Variants in DAP3 observed in about 807,000 individuals in gnomAD.
DAP3 encodes death associated protein 3, also known as small ribosomal subunit protein mS29.
In DAP3, 28 loss-of-function variants were observed where a neutral mutation model predicts 51.9. The observed-to-expected ratio is 0.54, with a 90% CI of 0.40 to 0.74. The LOEUF is 0.74. Ranked by LOEUF, DAP3 falls within the 30% of genes least tolerant of loss-of-function variation. The pLI is 0.00. For synonymous variants in DAP3, 170 were observed against 170.3 expected, an observed-to-expected ratio of 1.00 and a Z score of 0.01; for missense variants, 458 against 483.5, an observed-to-expected ratio of 0.95 and a Z score of 0.49.
At chr1:155,711,119 A>C (rs1173759263) in intron 2 of DAP3, among the ~76,000 whole-genome samples, 1 of 152,052 alleles carries the variant, frequency 6.6e-6, no homozygotes, top group Non-Finnish European at 1.5e-5. Context: ...ATAACCCATT[A>C]TTATAAAATG....
chr1:155,691,364 T>C (rs1455553454), intron 1 of DAP3, among the ~76,000 whole-genome samples: 1 of 142,284 alleles, frequency 7.0e-6, no homozygotes, highest in Non-Finnish European at 1.5e-5. Context: ...GAAATCATAC[T>C]ATATGCAACT....
intron 1 of DAP3, among the ~76,000 whole-genome samples, chr1:155,708,505 A>G (rs1656269536): frequency 7.3e-6 from 1 of 137,628 alleles, no homozygotes; most frequent in South Asian, 2.3e-4. Flanking sequence ...AACATTTGCT[A>G]TTGTCTGACT....
chr1:155,694,875 A>G (rs1654314195), intron 1 of DAP3, among the ~76,000 whole-genome samples: 1 of 152,190 alleles, frequency 6.6e-6, no homozygotes, highest in Non-Finnish European at 1.5e-5. Context: ...TTCAGCTGCT[A>G]TAGTAACCTG....
chr1:155,692,937 A>C (rs922465349), intron 1 of DAP3, among the ~76,000 whole-genome samples: 3 of 142,034 alleles, frequency 2.1e-5, no homozygotes. Context: ...CATATTCTGC[A>C]GTTTGAACAG....
chr1:155,695,964 A>C (rs1432456611), intron 1 of DAP3, among the ~76,000 whole-genome samples: 1 of 152,260 alleles, frequency 6.6e-6, no homozygotes, highest in Non-Finnish European at 1.5e-5. Context: ...TTATCAATAC[A>C]TTCAATAAAT....
At chr1:155,688,261 G>C (rs781259969), upstream of DAP3, 1 of 1,603,276 alleles carries the variant, frequency 6.2e-7, no homozygotes, top group South Asian at 1.1e-5. Context: ...CAAACTGAGA[G>C]GAGGCGGATC....
intron 3 of DAP3, among the ~76,000 whole-genome samples, chr1:155,718,001 A>T (rs1278242657): frequency 6.6e-6 from 1 of 152,142 alleles, no homozygotes; most frequent in African/African-American, 2.4e-5. Flanking sequence ...CTACCCTCTG[A>T]GTCTTCCCAT....
chr1:155,733,242 C>T (rs1278768573), intron 11 of DAP3, among the ~76,000 whole-genome samples: 2 of 152,182 alleles, frequency 1.3e-5, no homozygotes, highest in Non-Finnish European at 2.9e-5. Flanking sequence ...ACATTTCTCC[C>T]ATTACTGGTA....
Position 155,727,735 on chromosome 1 carries a change from C to T in DAP3, c.600C>T (p.Asn200=), listed in dbSNP as rs148371927. 2.2e-3 allele frequency: 3,473 copies of T among 1,613,244 alleles called. 19 individuals are homozygous for T. Among genetic ancestry groups the T allele is most frequent in the Middle Eastern group, 1.7e-3 (10 of 6,060 alleles). ...AAACTACAAATGAGCGCTTCCTGAA[C>T]CAGGTGACTAGACTCCCAGAAGTTG... ...NFKTTNERFL[N]QIKVQEKYVW... is the part of the protein sequence containing the mutation. Residue 200 remains asparagine, a synonymous_variant, in exon 7 of 13, where the codon AAC becomes AAT. Transcript: ENST00000368336.
chr1:155,725,465 T>C lies in DAP3; in HGVS notation c.354T>C (p.Ala118=), dbSNP rs141049384. Residue 118 remains alanine (A), a synonymous_variant, in exon 5 of 13, where the codon GCT becomes GCC. Transcript: ENST00000368336. ...ATTACCTGAAAAACACCAGTTTTGC[T>C]TATCCAGCTATACGATATCTTCTGT... ...LLHYLKNTSF[A]YPAIRYLLYG... is the part of the protein sequence containing the mutation. 2.2e-4 allele frequency: 350 copies of C among 1,614,062 alleles called. No homozygotes were observed. The highest frequency in any genetic ancestry group is 2.9e-4 in the Non-Finnish European group (344 of 1,180,032).
intron 7 of DAP3, among the ~76,000 whole-genome samples, chr1:155,728,019 A>G (rs348184): frequency 0.063 from 9,642 of 151,868 alleles, 1,052 homozygotes; most frequent in African/African-American, 0.22. Flanking sequence ...CCTCGCAAGC[A>G]CATTTCCAAC....
chr1:155,691,296 G>A lies in DAP3; in HGVS notation c.-8+2122G>A, dbSNP rs756974065. ...CCATTCCTCCCTCCCATTGCCTCTCGCAACCACTAAATCAGTTTATGTAAT... is the reference window on the plus strand; with the variant it reads ...CCATTCCTCCCTCCCATTGCCTCTCACAACCACTAAATCAGTTTATGTAAT... On this transcript the variant is annotated intron_variant, in intron 1 of 12. Coordinates refer to ENST00000368336, the MANE Select transcript of DAP3 (RefSeq NM_004632.4). Among the ~76,000 whole-genome samples, 8 of 141,658 alleles carry A rather than the reference G, an allele frequency of 5.6e-5. 1 individual carries two copies. Among genetic ancestry groups the A allele is most frequent in the Admixed American group, 1.3e-4 (2 of 15,088 alleles). 92.9% of individuals were successfully genotyped at this position (141,658 alleles called of 152,430 possible).
intron 4 of DAP3, 110 bp from the exon 5 acceptor site, chr1:155,725,272 A>G (rs1438160581): frequency 1.2e-6 from 1 of 829,824 alleles, no homozygotes; most frequent in African/African-American, 1.7e-5. Flanking sequence ...AGTAAATTAG[A>G]GGCATGCAAT....
chr1:155,713,866 A>G (rs567704134), intron 2 of DAP3, among the ~76,000 whole-genome samples: 1 of 152,344 alleles, frequency 6.6e-6, no homozygotes, highest in Non-Finnish European at 1.5e-5. Flanking sequence ...CTAACATCTA[A>G]TAGATACTCA....
upstream of DAP3, chr1:155,688,385 C>G (rs1326819716): frequency 2.6e-6 from 4 of 1,543,214 alleles, no homozygotes; most frequent in Non-Finnish European, 3.5e-6. Flanking sequence ...GCTAAGGGCG[C>G]CTAGCGACAC....
chr1:155,729,342 T>G lies in DAP3; in HGVS notation c.819T>G (p.Thr273=). 6.2e-7 allele frequency: 1 copy of G among 1,613,964 alleles called. No individual in the cohort carries two copies. Among genetic ancestry groups the G allele is most frequent in the Non-Finnish European group, 8.5e-7 (1 of 1,179,964 alleles). The change falls in exon 9 of 13, where the codon ACT becomes ACG. Residue 273 remains threonine, a synonymous_variant. Coordinates refer to ENST00000368336, the MANE Select transcript of DAP3 (RefSeq NM_004632.4). ...TCAATGCTCTTTGGGGAAGAACCAC[T>G]CTGAAAAGAGAAGATAAAAGCCCGG... ...DGINALWGRT[T]LKREDKSPIA... is the part of the protein sequence containing the mutation.
intron 4 of DAP3, among the ~76,000 whole-genome samples, chr1:155,722,224 A>G (rs946575322): frequency 6.6e-6 from 1 of 152,092 alleles, no homozygotes; most frequent in African/African-American, 2.4e-5. Context: ...TAGGCAACAT[A>G]GGGAGACCTG....
chr1:155,726,285 ATT>A (rs1174524977), intron 6 of DAP3: 1,212 of 120,194 alleles, frequency 0.01, no homozygotes, highest in South Asian at 0.035. Flanking sequence ...CGCCCAGCTA[ATT>A]TTTTTTTTTT....
At position 155,731,962 on chromosome 1, in the gene DAP3, T is replaced by G; in HGVS notation, c.922T>G (p.Ser308Ala). 1 of 1,611,280 alleles carries G rather than the reference T, an allele frequency of 6.2e-7. No individual in the cohort carries two copies. The highest frequency in any genetic ancestry group is 8.5e-7 in the Non-Finnish European group (1 of 1,178,828). Residue 308 changes from serine to alanine, a missense_variant, in exon 11 of 13, where the codon TCG (serine) becomes GCG (alanine). Ser to Ala is a moderately conservative substitution (Grantham distance 99). Transcript: ENST00000368336. ...CTTTCAGCATGGAGGCGCCATTGTG[T>G]CGGCTTTGAGCCAGACTGGGTCTCT... ...KNDWHGGAIVSALSQTGSLFK... is the reference protein window; with the variant it reads ...KNDWHGGAIVAALSQTGSLFK...
Sources: allele counts gnomAD v4.1 joint callset (sites outside exome capture counted in the v4.1 genomes callset), GRCh38; gene constraint gnomAD v4.1.1; transcripts MANE v1.5; gene names NCBI Gene and HGNC (gene_info 2026-07-23, HGNC 2026-07-21).